MIR2052HG: variants seen among roughly 807,000 people sequenced by gnomAD.
MIR2052HG encodes the protein MIR2052 host gene.
chr8:74,642,229 T>G (rs1167306703), intron 2 of MIR2052HG, among the ~76,000 whole-genome samples: 1 of 152,166 alleles, frequency 6.6e-6, no homozygotes, highest in Non-Finnish European at 1.5e-5. Flanking sequence ...TTTGTCATGC[T>G]AGTTTTAGAT....
chr8:74,606,784 A>G (rs1056358394), intron 1 of MIR2052HG, among the ~76,000 whole-genome samples: 1 of 147,810 alleles, frequency 6.8e-6, no homozygotes, highest in African/African-American at 2.5e-5. Flanking sequence ...TGTGACCTAT[A>G]TAATAAATCT....
chr8:74,657,813 A>G (rs771734080), intron 2 of MIR2052HG, among the ~76,000 whole-genome samples: 3 of 152,154 alleles, frequency 2.0e-5, no homozygotes, highest in Non-Finnish European at 2.9e-5. Flanking sequence ...ACTCTCCCAC[A>G]ACATGTAGGA....
chr8:74,612,818 A>G, intron 1 of MIR2052HG: 1 of 452,222 alleles, frequency 2.2e-6, no homozygotes, highest in Admixed American at 2.4e-5. Context: ...AAATAATCTA[A>G]TACGTATCTA....
intron 2 of MIR2052HG, among the ~76,000 whole-genome samples, chr8:74,693,333 C>T (rs1168572323): frequency 6.6e-6 from 1 of 152,098 alleles, no homozygotes; most frequent in Non-Finnish European, 1.5e-5. Flanking sequence ...TTGGAGAGAG[C>T]TGCCAGTGGT....
intron 2 of MIR2052HG, among the ~76,000 whole-genome samples, chr8:74,619,795 T>G (rs1178682588): frequency 6.6e-6 from 1 of 152,164 alleles, no homozygotes; most frequent in Non-Finnish European, 1.5e-5. Flanking sequence ...AAAACTTAAC[T>G]ATATCTTTTT....
intron 2 of MIR2052HG, among the ~76,000 whole-genome samples, chr8:74,667,263 A>C (rs1255428102): frequency 6.6e-6 from 1 of 152,130 alleles, no homozygotes; most frequent in African/African-American, 2.4e-5. Context: ...TATAGGTACA[A>C]GTGAGGGAGC....
At chr8:74,612,306 A>G (rs1335070419) in intron 1 of MIR2052HG, 1 of 153,484 alleles carries the variant, frequency 6.5e-6, no homozygotes, top group Non-Finnish European at 1.5e-5. Context: ...GTCCACTTTC[A>G]TTCAGAGAAC....
At chr8:74,697,683 C>T (rs182614914) in intron 2 of MIR2052HG, among the ~76,000 whole-genome samples, 131 of 152,178 alleles carry the variant, frequency 8.6e-4, no homozygotes, top group African/African-American at 2.8e-3. Context: ...ACACCAACAG[C>T]GACCAAGCTG....
At chr8:74,680,573 G>A (rs146578628) in intron 2 of MIR2052HG, among the ~76,000 whole-genome samples, 5,614 of 152,176 alleles carry the variant, frequency 0.037, 176 homozygotes, top group Non-Finnish European at 0.052. Context: ...ACAGGTGCTG[G>A]AGAGGATGTG....
intron 1 of MIR2052HG, among the ~76,000 whole-genome samples, chr8:74,602,863 T>TTCTTTCTTTCTTTCTTTCTTTCTG (rs1808036213): frequency 7.0e-6 from 1 of 143,742 alleles, no homozygotes. Context: ...CTTTCTTTCT[T>TTCTTTCTTTCTTTCTTTCTTTCTG]TCTTTCTTTC....
intron 2 of MIR2052HG, among the ~76,000 whole-genome samples, chr8:74,650,612 A>G (rs1258560662): frequency 6.6e-6 from 1 of 152,142 alleles, no homozygotes; most frequent in East Asian, 1.9e-4. Context: ...TGGTAGGCAC[A>G]CCACCAACCT....
intron 1 of MIR2052HG, chr8:74,609,609 A>T (rs558400693): frequency 1.9e-4 from 29 of 151,742 alleles, no homozygotes; most frequent in Non-Finnish European, 4.1e-4. Context: ...ACCTTGTATG[A>T]TTTATTCCAA....
intron 5 of MIR2052HG, among the ~76,000 whole-genome samples, chr8:74,753,553 C>T (rs1809970142): frequency 6.6e-6 from 1 of 152,166 alleles, no homozygotes; most frequent in Non-Finnish European, 1.5e-5. Flanking sequence ...GACTTTTCTT[C>T]TGTCTTTGAG....
intron 2 of MIR2052HG, chr8:74,633,335 T>A (rs1278981693): frequency 4.6e-5 from 7 of 152,136 alleles, no homozygotes; most frequent in Non-Finnish European, 1.0e-4. Flanking sequence ...CACATCCCAC[T>A]CTTAATTCCT....
intron 4 of MIR2052HG, among the ~76,000 whole-genome samples, chr8:74,745,424 C>T (rs945085275): frequency 6.6e-6 from 1 of 152,048 alleles, no homozygotes; most frequent in Non-Finnish European, 1.5e-5. Flanking sequence ...CATTGTTTCT[C>T]ATATATTTAA....
At chr8:74,737,469 C>A (rs1289458985) in intron 4 of MIR2052HG, among the ~76,000 whole-genome samples, 1 of 152,046 alleles carries the variant, frequency 6.6e-6, no homozygotes, top group Non-Finnish European at 1.5e-5. Context: ...CTTTGTTGGG[C>A]GTTTTGTCCA....
intron 2 of MIR2052HG, among the ~76,000 whole-genome samples, chr8:74,616,185 C>G (rs1187460987): frequency 6.6e-6 from 1 of 151,866 alleles, no homozygotes; most frequent in Non-Finnish European, 1.5e-5. Context: ...GAGGAATTGC[C>G]ACACTGTCTT....
intron 2 of MIR2052HG, among the ~76,000 whole-genome samples, chr8:74,680,995 C>T (rs200865705): frequency 7.1e-6 from 1 of 141,664 alleles, no homozygotes; most frequent in African/African-American, 2.7e-5. Context: ...TTCTCACTCA[C>T]AGGTGGGAAT....
chr8:74,624,777 G>T (rs1808412217), intron 2 of MIR2052HG, among the ~76,000 whole-genome samples: 1 of 152,096 alleles, frequency 6.6e-6, no homozygotes, highest in South Asian at 2.1e-4. Context: ...ATACTTTGAG[G>T]TGTGTTCTTT....
Sources: gnomAD v4.1 joint callset for allele counts (sites outside exome capture counted in the v4.1 genomes callset) on GRCh38, gnomAD v4.1.1 for gene constraint, MANE v1.5 for transcripts, NCBI Gene and HGNC (gene_info 2026-07-23, HGNC 2026-07-21) for gene names.